PTPRD: variants seen among roughly 807,000 people sequenced by gnomAD.
The protein encoded by PTPRD is protein tyrosine phosphatase receptor type D.
A neutral mutation model predicts 214.5 loss-of-function variants in PTPRD; 34 were observed. The observed-to-expected ratio is 0.16, with a 90% CI of 0.12 to 0.21. The LOEUF (loss-of-function observed/expected upper bound fraction) is 0.21. PTPRD is among the 10% of genes least tolerant of loss of function. The pLI, the probability that PTPRD is intolerant of heterozygous loss-of-function variation, is 1.00. For synonymous variants in PTPRD, 1,128 were observed against 845.7 expected (o/e 1.33, Z -5.79); for missense variants, 2,545 against 2,398.7 (o/e 1.06, Z -1.27).
intron 9 of PTPRD, among the ~76,000 whole-genome samples, chr9:9,337,729 G>A (rs758970085): frequency 6.6e-6 from 1 of 152,046 alleles, no homozygotes. Flanking sequence ...TTTCCTCAAC[G>A]GCAAAAGGCT....
chr9:10,375,565 G>A (rs1242970869), intron 2 of PTPRD, among the ~76,000 whole-genome samples: 1 of 151,922 alleles, frequency 6.6e-6, no homozygotes, highest in African/African-American at 2.4e-5. Flanking sequence ...TTCTATCTTT[G>A]CTAATCAGAT....
At chr9:10,355,345 T>G (rs757390424) in intron 2 of PTPRD, among the ~76,000 whole-genome samples, 6 of 151,594 alleles carry the variant, frequency 4.0e-5, no homozygotes, top group Non-Finnish European at 7.4e-5. Context: ...ACTTCCCAGG[T>G]TCAATACTTT....
At chr9:10,294,627 T>C (rs1019847991) in intron 3 of PTPRD, among the ~76,000 whole-genome samples, 3 of 152,014 alleles carry the variant, frequency 2.0e-5, no homozygotes, top group African/African-American at 4.8e-5. Context: ...TAAATATTTA[T>C]AGTTGGAAAA....
rs540874073 is a variant in PTPRD at position 8,647,297 on chromosome 9, A to C, written c.65-10453T>G. Among the ~76,000 whole-genome samples, 5 of 152,336 alleles carry C rather than the reference A, an allele frequency of 3.3e-5. No individual in the cohort carries two copies. The East Asian group carries it at 9.6e-4, about 29-fold the overall frequency. Reference sequence around the variant, plus strand: ...ACTCTTCTAATTGTACGTATTTATTATAAATTAGAAAATGTACATGAGTTG... The same window carrying C: ...ACTCTTCTAATTGTACGTATTTATTCTAAATTAGAAAATGTACATGAGTTG... On this transcript the variant is annotated intron_variant, in intron 12 of 45. Transcript: ENST00000381196.
intron 25 of PTPRD, 56 bp downstream of exon 25, chr9:8,499,591 T>C (rs951277282): frequency 2.0e-6 from 3 of 1,533,302 alleles, no homozygotes; most frequent in South Asian, 1.3e-5. Context: ...TTTCAGGATA[T>C]GAACTAAGAT....
intron 8 of PTPRD, among the ~76,000 whole-genome samples, chr9:9,504,229 T>C (rs560926191): frequency 3.4e-4 from 52 of 151,786 alleles, no homozygotes; most frequent in Admixed American, 5.9e-4. Flanking sequence ...TTGGATTTTG[T>C]AGTACTTTCT....
intron 3 of PTPRD, among the ~76,000 whole-genome samples, chr9:10,085,361 T>C (rs970258458): frequency 2.0e-5 from 3 of 151,768 alleles, no homozygotes; most frequent in Non-Finnish European, 4.4e-5. Flanking sequence ...ATTTTGAATA[T>C]AAGAGGTAAT....
At chr9:9,981,365 T>TTTTTG (rs2095537592) in intron 4 of PTPRD, among the ~76,000 whole-genome samples, 1 of 151,020 alleles carries the variant, frequency 6.6e-6, no homozygotes, top group Non-Finnish European at 1.5e-5. Context: ...TTTTTTTTTT[T>TTTTTG]TTTTTTTAAG....
chr9:8,421,873 C>G (rs189895127), intron 35 of PTPRD, among the ~76,000 whole-genome samples: 3 of 150,640 alleles, frequency 2.0e-5, no homozygotes, highest in Non-Finnish European at 4.4e-5. Flanking sequence ...TTTGCCCGGG[C>G]GTGATGGCTC....
Position 9,133,294 on chromosome 9 carries a change from G to A in PTPRD, c.-143+50010C>T, listed in dbSNP as rs116394967. Among the ~76,000 whole-genome samples the A allele has an allele frequency of 5.8e-3, 883 of 152,234 alleles. 9 individuals carry two copies. Among genetic ancestry groups the A allele is most frequent in the African/African-American group, 0.02 (843 of 41,544 alleles). ...AGACTCCTTCCTAGGTTATTCTTACGATGTTCCAGGCTTGGCAAGTTTCCT... is the reference window on the plus strand; with the variant it reads ...AGACTCCTTCCTAGGTTATTCTTACAATGTTCCAGGCTTGGCAAGTTTCCT... On this transcript the variant is annotated intron_variant, in intron 10 of 45. Transcript: ENST00000381196.
chr9:8,764,793 AATAATAATAATAATG>A (rs1301681452), intron 11 of PTPRD, among the ~76,000 whole-genome samples: 1 of 115,378 alleles, frequency 8.7e-6, no homozygotes, highest in East Asian at 2.4e-4. Flanking sequence ...TTTGTCTCAA[AATAATAATAATAATG>A]ATAATAATAA....
chr9:10,235,341 A>G (rs763033055), intron 3 of PTPRD, among the ~76,000 whole-genome samples: 1 of 152,014 alleles, frequency 6.6e-6, no homozygotes, highest in Non-Finnish European at 1.5e-5. Context: ...AAAATGTACC[A>G]GGACTTCTTA....
intron 9 of PTPRD, among the ~76,000 whole-genome samples, chr9:9,299,209 A>AT (rs1317442304): frequency 1.3e-5 from 2 of 151,786 alleles, no homozygotes; most frequent in African/African-American, 4.8e-5. Flanking sequence ...TGAACATGAT[A>AT]TTTTATTATT....
intron 2 of PTPRD, among the ~76,000 whole-genome samples, chr9:10,525,727 A>AGTGT (rs398010299): frequency 0.2 from 29,672 of 146,856 alleles, 3,077 homozygotes; most frequent in Admixed American, 0.3. Flanking sequence ...AGATTTTCAA[A>AGTGT]GTGTGTGTGT....
chr9:8,871,183 A>T (rs1450908856), intron 11 of PTPRD, among the ~76,000 whole-genome samples: 1 of 152,210 alleles, frequency 6.6e-6, no homozygotes, highest in Admixed American at 6.5e-5. Context: ...TATGTTCAAA[A>T]CATACAACCA....
intron 14 of PTPRD, among the ~76,000 whole-genome samples, chr9:8,618,203 A>C (rs914503825): frequency 1.3e-4 from 20 of 152,132 alleles, no homozygotes; most frequent in African/African-American, 4.8e-4. Flanking sequence ...ACGCAAAAAG[A>C]AAATTTGCTG....
At chr9:8,571,647 CCTCA>C (rs2091186430) in intron 14 of PTPRD, among the ~76,000 whole-genome samples, 4 of 152,186 alleles carry the variant, frequency 2.6e-5, no homozygotes, top group Middle Eastern at 3.4e-3. Flanking sequence ...ATCCTAAATA[CCTCA>C]CTTTCAGATT....
intron 10 of PTPRD, among the ~76,000 whole-genome samples, chr9:9,025,472 T>G (rs2099583834): frequency 6.6e-6 from 1 of 152,040 alleles, no homozygotes; most frequent in East Asian, 1.9e-4. Context: ...AGACTTTGAC[T>G]TAGACATTCT....
At chr9:10,443,243 T>C (rs2098773419) in intron 2 of PTPRD, among the ~76,000 whole-genome samples, 1 of 151,576 alleles carries the variant, frequency 6.6e-6, no homozygotes, top group Non-Finnish European at 1.5e-5. Context: ...TACCAAAAAA[T>C]TAATGAAACC....
Sources: allele counts gnomAD v4.1 joint callset (sites outside exome capture counted in the v4.1 genomes callset), GRCh38; gene constraint gnomAD v4.1.1; transcripts MANE v1.5; gene names NCBI Gene and HGNC (gene_info 2026-07-23, HGNC 2026-07-21).